The following BCAR1 variants were observed in gnomAD, a reference collection of about 807,000 sequenced individuals.
BCAR1 encodes breast cancer anti-estrogen resistance protein 1.
BCAR1 carries 30 observed loss-of-function variants against 67.6 expected under a neutral mutation model. The ratio of observed to expected loss-of-function variants is 0.44; its 90% CI spans 0.33 to 0.60. The LOEUF (loss-of-function observed/expected upper bound fraction) is 0.60, where lower values mean the gene tolerates loss of function less well. Among genes scored for constraint, BCAR1 ranks in the 20% least tolerant of loss-of-function variants. The pLI, the probability that BCAR1 is intolerant of heterozygous loss-of-function variation, is 0.02. For synonymous variants in BCAR1, 626 were observed against 556.7 expected, an observed-to-expected ratio of 1.12 and a Z score of -1.75; for missense variants, 1,313 against 1,222.3, an observed-to-expected ratio of 1.07 and a Z score of -1.11.
rs575050642 is a variant in BCAR1, at chr16:75,238,696, T to C, written c.634-1352A>G. ...GTGGGGTGTCCCCGCCCCCTTCCAG[T>C]GCGTCTGGGAGTGGATTTGGCGGCT... On this transcript the variant is annotated intron_variant, in intron 2 of 6. Coordinates refer to ENST00000162330, the MANE Select transcript of BCAR1 (RefSeq NM_014567.5). 3.0e-6 allele frequency: 3 copies of C among 985,708 alleles called. No homozygotes were observed. In the African/African-American group the frequency reaches 5.2e-5, roughly 17 times the overall value. The allele number at this position is 985,708 out of a possible 1,614,324, so 61.1% of individuals were successfully genotyped here.
intron 1 of BCAR1, among the ~76,000 whole-genome samples, chr16:75,257,888 G>A (rs1162290504): frequency 1.3e-5 from 2 of 152,222 alleles, no homozygotes; most frequent in Non-Finnish European, 1.5e-5. Context: ...TCTCGCCCAG[G>A]CTTAGACTAG....
At chr16:75,247,428 C>G (rs1267870698) in intron 1 of BCAR1, 1 of 153,496 alleles carries the variant, frequency 6.5e-6, no homozygotes, top group African/African-American at 2.4e-5. Flanking sequence ...ACCATATCCA[C>G]CCGGGCTGGG....
chr16:75,265,083 G>T (rs2077975182), intron 1 of BCAR1: 1 of 152,414 alleles, frequency 6.6e-6, no homozygotes, highest in Non-Finnish European at 1.5e-5. Flanking sequence ...ATGGCCCGGG[G>T]GTCTGCCGAA....
At chr16:75,242,057 G>A (rs1567605554) in intron 2 of BCAR1, among the ~76,000 whole-genome samples, 1 of 152,228 alleles carries the variant, frequency 6.6e-6, no homozygotes, top group Admixed American at 6.5e-5. Flanking sequence ...GCCAGAAGAT[G>A]TGCCGGAACC....
In BCAR1 at chr16:75,229,641, G is replaced by C. The variant is rs148609253; in HGVS notation, c.2483C>G (p.Ala828Gly). Reference protein sequence around the residue: ...LLCDLLRGIVATTKAAALQYP... With the variant: ...LLCDLLRGIVGTTKAAALQYP... ...CTGCAAGGCAGCGGCCTTGGTGGTG[G>C]CCACGATGCCGCGCAGGAGGTCGCA... is the stretch of plus-strand genomic sequence containing the variant. Residue 828 changes from alanine to glycine, a missense_variant, in exon 7 of 7, where the codon GCC becomes GGC. Physicochemically the swap from Ala to Gly is moderately conservative, Grantham distance 60 (BLOSUM62 0). Transcript: ENST00000162330. 6.2e-7 allele frequency: 1 copy of C among 1,612,544 alleles called. No homozygotes were observed. Among genetic ancestry groups the C allele is most frequent in the Non-Finnish European group, 8.5e-7 (1 of 1,179,908 alleles).
Position 75,238,567 on chromosome 16 carries a change from C to T in BCAR1, c.634-1223G>A, listed in dbSNP as rs550735108. ...CATGGGGGTGGCAGAGGCGCCAGCA[C>T]CCCCCAGCAGCCGCAGGCCTGGCAG... On this transcript the variant is annotated intron_variant, in intron 2 of 6. Transcript: ENST00000162330. 27 of 988,922 alleles carry T rather than the reference C, an allele frequency of 2.7e-5. No individual in the cohort carries two copies. The South Asian group carries it at 8.8e-4, about 32-fold the overall frequency. 61.3% of individuals were successfully genotyped at this position (988,922 alleles called of 1,614,324 possible). A position where few individuals can be genotyped will look rare whatever the true frequency, so the allele number is the denominator to read the frequency against.
chr16:75,242,300 C>A (rs1483360633), intron 2 of BCAR1, among the ~76,000 whole-genome samples, 170 bp downstream of exon 2: 1 of 152,216 alleles, frequency 6.6e-6, no homozygotes, highest in Non-Finnish European at 1.5e-5. Context: ...TCCATCTTCC[C>A]CGGACAAATG....
At chr16:75,262,251 C>A (rs1247478127) in intron 1 of BCAR1, among the ~76,000 whole-genome samples, 3 of 152,206 alleles carry the variant, frequency 2.0e-5, no homozygotes, top group African/African-American at 4.8e-5. Context: ...CCACGGTACT[C>A]CTGGGGCCAC....
At chr16:75,249,545 T>A (rs1447258128) in intron 1 of BCAR1, 2 of 152,242 alleles carry the variant, frequency 1.3e-5, no homozygotes, top group Non-Finnish European at 2.9e-5. Context: ...TATCACCCAA[T>A]CCCACTCCCC....
Position 75,243,087 on chromosome 16 carries a change from C to T in BCAR1, c.16G>A (p.Val6Met), listed in dbSNP as rs1362883963. The T allele has an allele frequency of 6.3e-6, 10 of 1,583,298 alleles. No individual in the cohort carries two copies. The highest frequency in any genetic ancestry group is 8.6e-6 in the Non-Finnish European group (10 of 1,161,072). The stretch of plus-strand genomic sequence containing the variant: ...TTGTCATAGAGCGCTTTGGCCAGCA[C>T]GTTCTGGGGAGAGAGGACACAGGTG... MNHLN[V>M]LAKALYDNVA... The change falls in exon 2 of 7, where the codon GTG becomes ATG. Residue 6 changes from valine (V) to methionine (M), a missense_variant. Val to Met is a conservative substitution (Grantham distance 21). Transcript: ENST00000162330.
At chr16:75,266,890 C>G in intron 1 of BCAR1, 1 of 890,852 alleles carries the variant, frequency 1.1e-6, no homozygotes, top group East Asian at 3.3e-5. Flanking sequence ...GCAGCCCGGG[C>G]TCATGGCGGG....
At chr16:75,236,685 T>C in intron 4 of BCAR1, 197 bp downstream of exon 4, 5 of 1,154,558 alleles carry the variant, frequency 4.3e-6, no homozygotes, top group East Asian at 3.0e-5. Flanking sequence ...CAACAGGCGG[T>C]TCTGCCGACA....
In BCAR1 at chr16:75,236,532, T is replaced by C. The variant is rs527407419; in HGVS notation, c.912+350A>G. ...ATTATCAGGGGACCAAATTCTGGTT[T>C]GCCCAGGACAGTGCTGGTTTGTCCC... On this transcript the variant is annotated intron_variant, in intron 4 of 6. Coordinates refer to ENST00000162330, the MANE Select transcript of BCAR1 (RefSeq NM_014567.5). The C allele has an allele frequency of 1.5e-4, 59 of 393,582 alleles. 1 individual carries two copies. In the Middle Eastern group the frequency reaches 2.0e-3, roughly 13 times the overall value. The allele number at this position is 393,582 out of a possible 1,614,324, so 24.4% of individuals were successfully genotyped here. A position where few individuals can be genotyped will look rare whatever the true frequency, so the allele number is the denominator to read the frequency against.
At chr16:75,257,848 T>C (rs960352078) in intron 1 of BCAR1, among the ~76,000 whole-genome samples, 3 of 152,152 alleles carry the variant, frequency 2.0e-5, no homozygotes, top group African/African-American at 4.8e-5. Context: ...AGATAAAGGC[T>C]CCTCTGCCCT....
chr16:75,264,042 G>A, intron 1 of BCAR1: 2 of 1,228,386 alleles, frequency 1.6e-6, no homozygotes, highest in Non-Finnish European at 2.0e-6. Context: ...CTACAAGGGA[G>A]AGGGTAGGAG....
upstream of BCAR1, among the ~76,000 whole-genome samples, chr16:75,254,319 G>C (rs909264006): frequency 6.6e-6 from 1 of 152,124 alleles, no homozygotes; most frequent in African/African-American, 2.4e-5. Context: ...AAAAGGACAG[G>C]CAACTGAGAC....
At chr16:75,247,485 G>A (rs899282011) in intron 1 of BCAR1, 1 of 153,840 alleles carries the variant, frequency 6.5e-6, no homozygotes, top group African/African-American at 2.4e-5. Context: ...GGCTGCGGGT[G>A]ACACACGTCA....
At chr16:75,232,498 C>T (rs1384061093) in intron 6 of BCAR1, among the ~76,000 whole-genome samples, 9 of 152,038 alleles carry the variant, frequency 5.9e-5, no homozygotes, top group African/African-American at 1.9e-4. Flanking sequence ...GGTCTCACTA[C>T]GTGGCCTGGC....
At chr16:75,233,189 T>C (rs1156342547) in intron 6 of BCAR1, among the ~76,000 whole-genome samples, 3 of 152,120 alleles carry the variant, frequency 2.0e-5, no homozygotes, top group Non-Finnish European at 4.4e-5. Context: ...CTGGGCAATG[T>C]GGTGAAACCT....
Sources: gnomAD v4.1 joint callset for allele counts (sites outside exome capture counted in the v4.1 genomes callset) on GRCh38, gnomAD v4.1.1 for gene constraint, MANE v1.5 for transcripts, NCBI Gene and HGNC (gene_info 2026-07-23, HGNC 2026-07-21) for gene names.